Variants in CUL3 observed in about 807,000 individuals in gnomAD.
CUL3 encodes cullin 3.
A neutral mutation model predicts 89.1 loss-of-function variants in CUL3; 19 were observed. The observed-to-expected ratio is 0.21, with a 90% CI of 0.15 to 0.31. The LOEUF is 0.31. Among genes scored for constraint, CUL3 ranks in the 10% least tolerant of loss-of-function variants. CUL3 has a pLI of 1.00. For synonymous variants in CUL3, 351 were observed against 308.4 expected, an observed-to-expected ratio of 1.14 and a Z score of -1.45; for missense variants, 469 against 942.3, an observed-to-expected ratio of 0.50 and a Z score of 6.58.
At chr2:224,478,604 G>A (rs1314340609) in intron 14 of CUL3, 8 of 303,410 alleles carry the variant, frequency 2.6e-5, no homozygotes, top group East Asian at 5.8e-5. Flanking sequence ...TTTCTTACCT[G>A]GAAGAAAAAC....
chr2:224,528,745 A>C (rs1693577439), intron 3 of CUL3, among the ~76,000 whole-genome samples: 1 of 152,102 alleles, frequency 6.6e-6, no homozygotes. Context: ...TAGCTCAAAG[A>C]AGCAGTGACC....
intron 8 of CUL3, among the ~76,000 whole-genome samples, chr2:224,504,513 T>C (rs1692514879): frequency 6.6e-6 from 1 of 152,162 alleles, no homozygotes; most frequent in Non-Finnish European, 1.5e-5. Context: ...TCCTCCATAT[T>C]GGTCAGGCTG....
At position 224,528,852 on chromosome 2, in the gene CUL3, T is replaced by C. The variant is rs375777385; in HGVS notation, c.378+6676A>G. Among the ~76,000 whole-genome samples, 27 of 152,138 alleles carry C rather than the reference T, an allele frequency of 1.8e-4. 1 individual carries two copies. In the South Asian group the frequency reaches 5.6e-3, roughly 32 times the overall value. Reference sequence around the variant, plus strand: ...CAGAACACCTTTGCTGCAAATACCTTTGCTGCAAAGGTATTTGCAGAATAC... The same window carrying C: ...CAGAACACCTTTGCTGCAAATACCTCTGCTGCAAAGGTATTTGCAGAATAC... On this transcript the variant is annotated intron_variant, in intron 3 of 15. Transcript: ENST00000264414.
At chr2:224,534,524 A>G (rs1013817295) in intron 3 of CUL3, among the ~76,000 whole-genome samples, 2 of 152,228 alleles carry the variant, frequency 1.3e-5, no homozygotes, top group South Asian at 2.1e-4. Context: ...GAGAATATTC[A>G]GCTTTTGTTT....
chr2:224,510,290 GTT>G (rs1045204971), intron 6 of CUL3, among the ~76,000 whole-genome samples: 1 of 128,560 alleles, frequency 7.8e-6, no homozygotes, highest in Non-Finnish European at 1.6e-5. Flanking sequence ...AGCCTCTCTA[GTT>G]TTTTTTGTTT....
At chr2:224,555,411 C>T (rs1433250591) in intron 2 of CUL3, among the ~76,000 whole-genome samples, 2 of 152,072 alleles carry the variant, frequency 1.3e-5, no homozygotes, top group African/African-American at 4.8e-5. Flanking sequence ...TTTTATAAAC[C>T]TCCTCTCAAT....
intron 1 of CUL3, among the ~76,000 whole-genome samples, chr2:224,580,560 G>A (rs772186016): frequency 2.0e-5 from 3 of 152,144 alleles, no homozygotes; most frequent in East Asian, 1.9e-4. Context: ...GGCGCAAACC[G>A]GTAGTCCCAG....
At chr2:224,519,934 A>AG (rs1273767270) in intron 3 of CUL3, among the ~76,000 whole-genome samples, 2 of 151,952 alleles carry the variant, frequency 1.3e-5, no homozygotes. Context: ...ATTCCAAAAG[A>AG]GAAAAAAAAA....
At chr2:224,492,528 C>T (rs1692025630) in intron 13 of CUL3, among the ~76,000 whole-genome samples, 1 of 151,994 alleles carries the variant, frequency 6.6e-6, no homozygotes, top group African/African-American at 2.4e-5. Flanking sequence ...TTATCCATAC[C>T]TCTTTCAAAA....
chr2:224,579,578 T>C (rs1342359692), intron 1 of CUL3, among the ~76,000 whole-genome samples: 8 of 152,222 alleles, frequency 5.3e-5, no homozygotes, highest in Admixed American at 3.3e-4. Context: ...CCTTCACTAA[T>C]GTGAGTCGCC....
At chr2:224,483,870 G>A (rs1691620430) in intron 13 of CUL3, among the ~76,000 whole-genome samples, 1 of 152,132 alleles carries the variant, frequency 6.6e-6, no homozygotes, top group Non-Finnish European at 1.5e-5. Flanking sequence ...TTCTAGAAAT[G>A]CACTTGCTTC....
At chr2:224,533,094 TAAAGAA>T (rs2106259137) in intron 3 of CUL3, 1 of 152,184 alleles carries the variant, frequency 6.6e-6, no homozygotes, top group African/African-American at 2.4e-5. Flanking sequence ...GCAAGCTGAC[TAAAGAA>T]AAAGAGTGAA....
chr2:224,521,919 G>A (rs1319068911), intron 3 of CUL3, among the ~76,000 whole-genome samples: 1 of 151,836 alleles, frequency 6.6e-6, no homozygotes, highest in African/African-American at 2.4e-5. Context: ...CTCATACTAA[G>A]AACATCTGTA....
Position 224,529,962 on chromosome 2 carries a change from G to A in CUL3, c.378+5566C>T, listed in dbSNP as rs371198177. ...GTTAAGAGTAAAAGTCAGCTAGGCC[G>A]GGCCTGTGGCTCACACCTGTAATTC... On this transcript the variant is annotated intron_variant, in intron 3 of 15. Transcript: ENST00000264414. Among the ~76,000 whole-genome samples, 321 of 152,184 alleles carry A rather than the reference G, an allele frequency of 2.1e-3. 4 individuals carry two copies. Among genetic ancestry groups the A allele is most frequent in the African/African-American group, 6.9e-3 (286 of 41,502 alleles).
chr2:224,575,394 A>C (rs114779288), intron 1 of CUL3, among the ~76,000 whole-genome samples: 1,961 of 152,240 alleles, frequency 0.013, 22 homozygotes, highest in Middle Eastern at 0.024. Flanking sequence ...GGGGGCAAAT[A>C]GGTAGAACGA....
At chr2:224,547,862 CCA>C (rs1031931587) in intron 2 of CUL3, among the ~76,000 whole-genome samples, 13 of 152,044 alleles carry the variant, frequency 8.6e-5, no homozygotes, top group African/African-American at 2.2e-4. Context: ...AAAGAAGAGT[CCA>C]CAGTTTACCT....
intron 1 of CUL3, among the ~76,000 whole-genome samples, chr2:224,578,194 T>A (rs1194166547): frequency 6.6e-6 from 1 of 152,194 alleles, no homozygotes. Flanking sequence ...TAAATAGTCA[T>A]AGTTGCAATC....
chr2:224,532,308 G>C (rs570712841), intron 3 of CUL3, among the ~76,000 whole-genome samples: 1 of 152,224 alleles, frequency 6.6e-6, no homozygotes, highest in Non-Finnish European at 1.5e-5. Context: ...AAGGGGGGAT[G>C]GTGGGGGCAG....
At chr2:224,584,285 C>A (rs896988218) in intron 1 of CUL3, among the ~76,000 whole-genome samples, 1 of 152,076 alleles carries the variant, frequency 6.6e-6, no homozygotes, top group African/African-American at 2.4e-5. Flanking sequence ...TTGCTTCCCC[C>A]CCACCCGGCC....
Sources: gnomAD v4.1 joint callset for allele counts (sites outside exome capture counted in the v4.1 genomes callset) on GRCh38, gnomAD v4.1.1 for gene constraint, MANE v1.5 for transcripts, NCBI Gene and HGNC (gene_info 2026-07-23, HGNC 2026-07-21) for gene names.